DNAH5: variants seen among roughly 807,000 people sequenced by gnomAD.
DNAH5 encodes the protein dynein axonemal heavy chain 5.
DNAH5 carries 372 observed loss-of-function variants against 518.2 expected under a neutral mutation model. The observed-to-expected ratio is 0.72, with a 90% CI of 0.66 to 0.78. DNAH5 has a LOEUF of 0.78. Among genes scored for constraint, DNAH5 ranks in the 30% least tolerant of loss-of-function variants. The pLI, the probability that DNAH5 is intolerant of heterozygous loss-of-function variation, is 0.00. For synonymous variants in DNAH5, 2,039 were observed against 2,025.9 expected (o/e 1.01, Z -0.17); for missense variants, 5,523 against 5,687.0 (o/e 0.97, Z 0.93).
At chr5:13,801,683 T>C (rs1758777713) in intron 47 of DNAH5, among the ~76,000 whole-genome samples, 1 of 152,108 alleles carries the variant, frequency 6.6e-6, no homozygotes, top group Non-Finnish European at 1.5e-5. Flanking sequence ...AGAATGAGCT[T>C]TCTAAAGGGC....
At chr5:13,944,252 TA>T (rs1056159618) in intron 1 of DNAH5, 129 bp downstream of exon 1, 182 of 918,612 alleles carry the variant, frequency 2.0e-4, no homozygotes, top group African/African-American at 7.5e-4. Flanking sequence ...GAACATTAGT[TA>T]AAAAATGTGT....
intron 65 of DNAH5, among the ~76,000 whole-genome samples, chr5:13,748,232 G>A (rs1360699806): frequency 6.6e-6 from 1 of 152,136 alleles, no homozygotes; most frequent in African/African-American, 2.4e-5. Flanking sequence ...TGTTCCATTG[G>A]TCTGTATCTC....
At chr5:13,864,375 C>T (rs1316524518) in intron 28 of DNAH5, 22 bp downstream of exon 28, 3 of 1,612,978 alleles carry the variant, frequency 1.9e-6, no homozygotes, top group South Asian at 1.1e-5. Context: ...ACCTTGCAAT[C>T]TTCCATCACA....
chr5:13,778,596 A>AAGAGAGAGAAAGAAAG (rs1754583332), intron 53 of DNAH5, among the ~76,000 whole-genome samples: 1 of 102,152 alleles, frequency 9.8e-6, no homozygotes, highest in African/African-American at 3.7e-5. Context: ...GAAAGAAAGA[A>AAGAGAGAGAAAGAAAG]AGAGAGAGAG....
chr5:13,880,271 A>G (rs1339676830), intron 21 of DNAH5, among the ~76,000 whole-genome samples: 2 of 152,206 alleles, frequency 1.3e-5, no homozygotes, highest in African/African-American at 4.8e-5. Flanking sequence ...GTTTATCACC[A>G]CAAGACCCAT....
chr5:13,916,293 A>G, intron 9 of DNAH5, 55 bp downstream of exon 9: 1 of 1,036,486 alleles, frequency 9.6e-7, no homozygotes, highest in Non-Finnish European at 1.5e-6. Context: ...TTATCAAAAA[A>G]TTGATCACTG....
At chr5:13,778,778 C>T (rs1754639401) in intron 53 of DNAH5, among the ~76,000 whole-genome samples, 2 of 152,168 alleles carry the variant, frequency 1.3e-5, no homozygotes, top group South Asian at 4.1e-4. Context: ...GCATCTCAGC[C>T]TTAGCCACAT....
At chr5:13,969,508 C>T (rs138780441) in intron 1 of DNAH5, among the ~76,000 whole-genome samples, 2,743 of 151,772 alleles carry the variant, frequency 0.018, 75 homozygotes, top group African/African-American at 0.061. Flanking sequence ...AGTTTTGTCA[C>T]GATTATCTTT....
intron 1 of DNAH5, among the ~76,000 whole-genome samples, chr5:13,959,527 A>G (rs1270976656): frequency 6.6e-6 from 1 of 152,220 alleles, no homozygotes; most frequent in Non-Finnish European, 1.5e-5. Flanking sequence ...GGACCAGCCC[A>G]GCGCCCAGGA....
intron 47 of DNAH5, among the ~76,000 whole-genome samples, chr5:13,795,292 T>C (rs1026560445): frequency 2.0e-5 from 3 of 151,852 alleles, no homozygotes; most frequent in African/African-American, 7.3e-5. Flanking sequence ...ACAAAATTGA[T>C]AGACGGCTAG....
intron 1 of DNAH5, chr5:13,932,393 G>C (rs1043364039): frequency 6.6e-6 from 1 of 152,178 alleles, no homozygotes; most frequent in African/African-American, 2.4e-5. Flanking sequence ...GGAGGAGGTG[G>C]CTGAAGCCTA....
At chr5:13,889,704 T>C (rs541323718) in intron 17 of DNAH5, among the ~76,000 whole-genome samples, 44 of 152,242 alleles carry the variant, frequency 2.9e-4, no homozygotes, top group African/African-American at 1.0e-3. Context: ...GAGTCTCTAA[T>C]AGGTTTCCCT....
At chr5:13,947,428 G>A (rs986561751), upstream of DNAH5, among the ~76,000 whole-genome samples, 33 of 152,140 alleles carry the variant, frequency 2.2e-4, no homozygotes, top group African/African-American at 7.5e-4. Flanking sequence ...TAAATTAGAC[G>A]TTAGAAATAA....
intron 1 of DNAH5, among the ~76,000 whole-genome samples, chr5:14,009,530 T>C (rs1032933769): frequency 1.3e-5 from 2 of 152,212 alleles, no homozygotes; most frequent in Non-Finnish European, 2.9e-5. Flanking sequence ...CAAAAATCCA[T>C]ATTTGCAGAA....
At chr5:14,006,275 C>T (rs113817072) in intron 1 of DNAH5, among the ~76,000 whole-genome samples, 6 of 152,166 alleles carry the variant, frequency 3.9e-5, no homozygotes, top group African/African-American at 4.8e-5. Context: ...GACATACCAG[C>T]GCGAGGCTAT....
intron 59 of DNAH5, among the ~76,000 whole-genome samples, chr5:13,764,136 G>A (rs985970299): frequency 1.3e-5 from 2 of 152,182 alleles, no homozygotes; most frequent in Non-Finnish European, 2.9e-5. Flanking sequence ...GTTGTTTTGA[G>A]ATTTGAACAT....
At chr5:14,011,205 T>G (rs1002996474) in intron 1 of DNAH5, among the ~76,000 whole-genome samples, 7 of 152,118 alleles carry the variant, frequency 4.6e-5, no homozygotes, top group Non-Finnish European at 8.8e-5. Flanking sequence ...CAAGGGCTAA[T>G]GAGAGCTGGT....
At chr5:13,719,735 C>T (rs1345283404) in intron 71 of DNAH5, among the ~76,000 whole-genome samples, 2 of 152,078 alleles carry the variant, frequency 1.3e-5, no homozygotes, top group Non-Finnish European at 2.9e-5. Flanking sequence ...AGAATGATTG[C>T]CTGCTGAATT....
At chr5:13,966,335 A>G (rs190839910) in intron 1 of DNAH5, among the ~76,000 whole-genome samples, 2 of 152,318 alleles carry the variant, frequency 1.3e-5, no homozygotes, top group East Asian at 3.9e-4. Context: ...GTGTGCAAGT[A>G]TCTTTCTCGT....
Sources: allele counts gnomAD v4.1 joint callset (sites outside exome capture counted in the v4.1 genomes callset), GRCh38; gene constraint gnomAD v4.1.1; transcripts MANE v1.5; gene names NCBI Gene and HGNC (gene_info 2026-07-23, HGNC 2026-07-21).